YLPM1: variants seen among roughly 807,000 people sequenced by gnomAD.
YLPM1 encodes the protein YLP motif containing 1, also known as YLP motif-containing protein 1.
In YLPM1, 99 loss-of-function variants were observed where a neutral mutation model predicts 230.0. The ratio of observed to expected loss-of-function variants is 0.43; its 90% CI spans 0.37 to 0.51. The LOEUF (loss-of-function observed/expected upper bound fraction) is 0.51, where lower values mean the gene tolerates loss of function less well. YLPM1 is among the 20% of genes least tolerant of loss of function. The pLI, the probability that YLPM1 is intolerant of heterozygous loss-of-function variation, is 0.00. For synonymous variants in YLPM1, 984 were observed against 942.5 expected, an observed-to-expected ratio of 1.04 and a Z score of -0.81; for missense variants, 2,592 against 2,707.7, an observed-to-expected ratio of 0.96 and a Z score of 0.95.
chr14:74,797,156 T>A (rs1594824584), intron 4 of YLPM1, among the ~76,000 whole-genome samples: 1 of 147,846 alleles, frequency 6.8e-6, no homozygotes, highest in Admixed American at 6.7e-5. Flanking sequence ...GTATTTTTTT[T>A]TTTTTTTTTT....
rs1057240561 is a variant in YLPM1 at position 74,781,806 on chromosome 14, C to G, written c.1763C>G (p.Pro588Arg). 5.0e-6 allele frequency: 8 copies of G among 1,612,666 alleles called. No homozygotes were observed. The highest frequency in any genetic ancestry group is 5.9e-6 in the Non-Finnish European group (7 of 1,179,354). Residue 588 changes from proline to arginine, a missense_variant, in exon 4 of 21, where the codon CCA becomes CGA. Around this residue, in one of 4 missense-constraint regions of YLPM1, gnomAD observed 1,862 missense variants for 1,819.8 expected, o/e 1.02. Transcript: ENST00000325680. The part of the protein sequence containing the change: ...MPPSLSSAGP[P>R]PVLPPPSLSS... ...CCTTCTCTCTCTTCTGCAGGGCCAC[C>G]ACCAGTTCTCCCCCCACCTTCCCTG...
chr14:74,810,503 CAT>C (rs2091424133), intron 9 of YLPM1, 83 bp downstream of exon 9: 2 of 1,404,006 alleles, frequency 1.4e-6, no homozygotes, highest in East Asian at 2.3e-5. Flanking sequence ...TAATAAGTAA[CAT>C]ATTCTTCTCA....
chr14:74,772,183 A>C (rs570396605), intron 1 of YLPM1, among the ~76,000 whole-genome samples: 1 of 151,762 alleles, frequency 6.6e-6, no homozygotes, highest in Non-Finnish European at 1.5e-5. Flanking sequence ...GTGGTCAGTA[A>C]GTGCTTCCTG....
intron 9 of YLPM1, 59 bp downstream of exon 9, chr14:74,810,479 G>T (rs1176543577): frequency 6.0e-6 from 9 of 1,510,008 alleles, no homozygotes; most frequent in Non-Finnish European, 8.1e-6. Context: ...AACAGTAAAA[G>T]TTTAAGAGAA....
At position 74,798,152 on chromosome 14, in the gene YLPM1, T is replaced by C. The variant is rs1217807499; in HGVS notation, c.2855T>C (p.Val952Ala). Residue 952 changes from valine (V) to alanine (A), a missense_variant, in exon 5 of 21, where the codon GTA becomes GCA. Coordinates refer to ENST00000325680, the MANE Select transcript of YLPM1 (RefSeq NM_019589.3). ...TQPVPLANKP[V>A]PAQSTFPSKT... ...CCTGTACCCCTTGCGAATAAGCCTGTACCTGCTCAATCTACTTTTCCTTCA... is the reference window on the plus strand; with the variant it reads ...CCTGTACCCCTTGCGAATAAGCCTGCACCTGCTCAATCTACTTTTCCTTCA... The C allele has an allele frequency of 3.1e-6, 5 of 1,613,882 alleles. No homozygotes were observed. Among genetic ancestry groups the C allele is most frequent in the African/African-American group, 1.3e-5 (1 of 74,916 alleles).
intron 4 of YLPM1, among the ~76,000 whole-genome samples, chr14:74,786,528 A>G (rs984397477): frequency 1.3e-5 from 2 of 152,130 alleles, no homozygotes; most frequent in Non-Finnish European, 2.9e-5. Context: ...TTTGAACTTC[A>G]TGTGAGTGAA....
At chr14:74,822,879 T>C (rs2091533407) in intron 17 of YLPM1, among the ~76,000 whole-genome samples, 1 of 152,094 alleles carries the variant, frequency 6.6e-6, no homozygotes, top group Non-Finnish European at 1.5e-5. Context: ...GGTATGATAG[T>C]TTGCCTCCTT....
Position 74,794,067 on chromosome 14 carries a change from C to T in YLPM1, c.2283-3513C>T, listed in dbSNP as rs2058917. ...CAGAATGTACAAACAAGATTTTCAT[C>T]TTCTGATTACCTCCTCTCTCTGTTT... On this transcript the variant is annotated intron_variant, in intron 4 of 20. Transcript: ENST00000325680. 5.4e-3 allele frequency among the ~76,000 whole-genome samples: 824 copies of T among 152,254 alleles called. 26 individuals are homozygous for T. Among genetic ancestry groups the T allele is most frequent in the Admixed American group, 0.034 (516 of 15,286 alleles).
chr14:74,804,424 ACTCC>A (rs1379737489), intron 6 of YLPM1, among the ~76,000 whole-genome samples: 1 of 113,770 alleles, frequency 8.8e-6, no homozygotes, highest in Non-Finnish European at 2.0e-5. Flanking sequence ...ATTGCTTGCT[ACTCC>A]ACTCTCTGAT....
At chr14:74,781,257 G>A (rs1237802697) in intron 3 of YLPM1, 77 bp from the exon 4 acceptor site, 1 of 1,419,224 alleles carries the variant, frequency 7.0e-7, no homozygotes, top group African/African-American at 1.4e-5. Context: ...AAATGCCCTT[G>A]ATTCATTAAT....
intron 17 of YLPM1, chr14:74,821,965 C>G (rs981985847): frequency 1.3e-5 from 2 of 152,056 alleles, no homozygotes; most frequent in African/African-American, 4.8e-5. Flanking sequence ...TTCCTACCCC[C>G]TAGAGTATAC....
At chr14:74,780,738 C>G in intron 3 of YLPM1, 154 bp downstream of exon 3, 1 of 1,384,174 alleles carries the variant, frequency 7.2e-7, no homozygotes, top group East Asian at 2.6e-5. Flanking sequence ...TGCCACATTA[C>G]CTGGGGGACT....
At chr14:74,789,887 G>T (rs745611586) in intron 4 of YLPM1, among the ~76,000 whole-genome samples, 1 of 151,202 alleles carries the variant, frequency 6.6e-6, no homozygotes, top group African/African-American at 2.4e-5. Context: ...GCCTTCCAAA[G>T]TGTTGGTATT....
chr14:74,808,535 G>A (rs149457023), intron 6 of YLPM1, among the ~76,000 whole-genome samples: 92 of 152,232 alleles, frequency 6.0e-4, no homozygotes, highest in African/African-American at 2.1e-3. Flanking sequence ...GGGTGCGGTG[G>A]CTCATGCCTG....
At chr14:74,833,522 G>C (rs1566770200) in intron 19 of YLPM1, among the ~76,000 whole-genome samples, 1 of 152,132 alleles carries the variant, frequency 6.6e-6, no homozygotes, top group Non-Finnish European at 1.5e-5. Context: ...CAAAGTGCTG[G>C]AGTTATAGGT....
In YLPM1 at chr14:74,816,646, AAAG is replaced by A; in HGVS notation, c.5647_5649del (p.Glu1883del). 1 of 1,613,724 alleles carries A rather than the reference AAAG, an allele frequency of 6.2e-7. No homozygotes were observed. Among genetic ancestry groups the A allele is most frequent in the Non-Finnish European group, 8.5e-7 (1 of 1,179,776 alleles). On this transcript the variant is annotated inframe_deletion, in exon 13 of 21. Transcript: ENST00000325680. ...TGATTACTTCATCACTGAAGTGGAA[AAAG>A]AAGAAAAAGATCCAGATTCTGGAAA... is the stretch of plus-strand genomic sequence containing the variant.
rs752622526 is a variant in YLPM1 at position 74,811,621 on chromosome 14, G to A, written c.5230G>A (p.Ala1744Thr). 2 of 1,607,068 alleles carry A rather than the reference G, an allele frequency of 1.2e-6. No homozygotes were observed. Among genetic ancestry groups the A allele is most frequent in the African/African-American group, 2.7e-5 (2 of 74,510 alleles). The change falls in exon 10 of 21, where the codon GCT becomes ACT. Residue 1744 changes from alanine to threonine, a missense_variant and splice_region_variant. Coordinates refer to ENST00000325680, the MANE Select transcript of YLPM1 (RefSeq NM_019589.3). ...AGCGCTTCCTATTACACCTTCTAGAGCTCAGTCATATCGAGACAAAAAAGA... is the reference window on the plus strand; with the variant it reads ...AGCGCTTCCTATTACACCTTCTAGAACTCAGTCATATCGAGACAAAAAAGA... ...DRERRPRDDRAQSYRDKKDHS... is the reference protein window; with the variant it reads ...DRERRPRDDRTQSYRDKKDHS...
intron 10 of YLPM1, 27 bp from the exon 11 acceptor site, chr14:74,812,601 A>T: frequency 6.2e-7 from 1 of 1,600,708 alleles, no homozygotes; most frequent in Non-Finnish European, 8.5e-7. Context: ...TACAAATAGT[A>T]ATTTTGTTCA....
intron 4 of YLPM1, among the ~76,000 whole-genome samples, chr14:74,783,271 G>A (rs1001061805): frequency 2.0e-4 from 30 of 152,196 alleles, no homozygotes; most frequent in African/African-American, 6.0e-4. Flanking sequence ...ATCTTCCTAT[G>A]TTGACCAGGC....
Sources: gnomAD v4.1 joint callset for allele counts (sites outside exome capture counted in the v4.1 genomes callset) on GRCh38, gnomAD v4.1.1 for gene constraint, gnomAD v4.1.1 regional missense constraint, MANE v1.5 for transcripts, NCBI Gene and HGNC (gene_info 2026-07-23, HGNC 2026-07-21) for gene names.